The following XPO6 variants were observed in gnomAD, a reference collection of about 807,000 sequenced individuals.
The protein encoded by XPO6 is exportin-6.
XPO6 carries 3 observed loss-of-function variants against 130.0 expected under a neutral mutation model. The ratio of observed to expected loss-of-function variants is 0.02; its 90% CI spans 0.01 to 0.06. XPO6 has a LOEUF of 0.06. Ranked by LOEUF, XPO6 falls within the 10% of genes least tolerant of loss-of-function variation. The probability of loss-of-function intolerance (pLI) is 1.00; values close to 1 mark genes in which losing one functional copy is unlikely to be tolerated. For missense variants in XPO6, 970 were observed against 1,393.0 expected (o/e 0.70, Z 4.83); for synonymous variants, 524 against 548.9 (o/e 0.95, Z 0.63).
In XPO6 at chr16:28,112,056, G is replaced by C. The variant is rs200305383; in HGVS notation, c.2152-50C>G. ...ATCAGAGGTCAGAGCCAAAGACCGT[G>C]GTGCGGCATGCCCAACACAGCCTTC... is the stretch of plus-strand genomic sequence containing the variant. On this transcript the variant is annotated intron_variant, in intron 16 of 23. Coordinates refer to ENST00000304658, the MANE Select transcript of XPO6 (RefSeq NM_015171.4). 1.1e-3 allele frequency: 1,637 copies of C among 1,553,330 alleles called. 18 individuals are homozygous for C. Among genetic ancestry groups the C allele is most frequent in the Non-Finnish European group, 1.6e-4 (183 of 1,146,324 alleles).
At chr16:28,191,519 A>G (rs968995251) in intron 1 of XPO6, among the ~76,000 whole-genome samples, 22 of 152,230 alleles carry the variant, frequency 1.4e-4, no homozygotes, top group Admixed American at 1.1e-3. Context: ...ACACGATCAC[A>G]GAATCTTAAG....
chr16:28,105,755 G>C (rs1428178025), intron 20 of XPO6: 1 of 347,188 alleles, frequency 2.9e-6, no homozygotes, highest in African/African-American at 2.0e-5. Flanking sequence ...GTTTGCTATA[G>C]AAAACCAGAG....
chr16:28,119,831 G>A (rs1308143361), intron 14 of XPO6, among the ~76,000 whole-genome samples: 5 of 152,124 alleles, frequency 3.3e-5, no homozygotes, highest in Non-Finnish European at 7.4e-5. Context: ...ATTTACGGGT[G>A]AAGTGACATG....
chr16:28,131,857 G>C (rs1174892503), intron 12 of XPO6, among the ~76,000 whole-genome samples: 1 of 152,228 alleles, frequency 6.6e-6, no homozygotes. Flanking sequence ...GGCAGGGCCT[G>C]TAAACAGCAG....
intron 9 of XPO6, among the ~76,000 whole-genome samples, chr16:28,141,189 T>A (rs1177206996): frequency 6.6e-6 from 1 of 152,176 alleles, no homozygotes; most frequent in Non-Finnish European, 1.5e-5. Flanking sequence ...TTGTTTACAG[T>A]CCTATCTAAT....
At chr16:28,201,848 C>A (rs574815852) in intron 1 of XPO6, among the ~76,000 whole-genome samples, 1 of 152,230 alleles carries the variant, frequency 6.6e-6, no homozygotes, top group African/African-American at 2.4e-5. Context: ...AAGCGAGACT[C>A]CGTCTCAAAA....
rs1002856296 is a variant in XPO6 at position 28,169,807 on chromosome 16, C to T, written c.508G>A (p.Glu170Lys). 18 of 1,614,016 alleles carry T rather than the reference C, an allele frequency of 1.1e-5. No homozygotes were observed. Among genetic ancestry groups the T allele is most frequent in the African/African-American group, 1.3e-5 (1 of 74,930 alleles). ...PREDLSVARK[E>K]ELRKLLLDQV... ...TCCAGTAGCAGCTTCCGCAACTCCTCCTTCCGAGCCACACTGAGGTCCTCA... is the reference window on the plus strand; with the variant it reads ...TCCAGTAGCAGCTTCCGCAACTCCTTCTTCCGAGCCACACTGAGGTCCTCA... The change falls in exon 5 of 24, where the codon GAG (glutamate) becomes AAG (lysine). Residue 170 changes from glutamate (E) to lysine (K), a missense_variant. By Grantham distance (56) the Glu-to-Lys change is moderately conservative. Coordinates refer to ENST00000304658, the MANE Select transcript of XPO6 (RefSeq NM_015171.4).
At chr16:28,169,705 G>A in intron 5 of XPO6, 45 bp downstream of exon 5, 1 of 1,602,800 alleles carries the variant, frequency 6.2e-7, no homozygotes, top group Non-Finnish European at 8.5e-7. Context: ...AACTCTGGGT[G>A]CCTGCGGGCA....
chr16:28,130,431 G>A (rs1250005018), intron 12 of XPO6, among the ~76,000 whole-genome samples: 1 of 152,222 alleles, frequency 6.6e-6, no homozygotes, highest in African/African-American at 2.4e-5. Context: ...GGTGTGGCAT[G>A]GAGGTTATTT....
At chr16:28,179,627 G>A (rs1478068037) in intron 2 of XPO6, among the ~76,000 whole-genome samples, 1 of 152,158 alleles carries the variant, frequency 6.6e-6, no homozygotes. Flanking sequence ...TCAATTTCTA[G>A]AGCACTAGTG....
intron 3 of XPO6, among the ~76,000 whole-genome samples, chr16:28,176,499 A>AT (rs879328103): frequency 2.4e-3 from 346 of 143,644 alleles, no homozygotes; most frequent in Middle Eastern, 0.014. Flanking sequence ...TTACAATTAG[A>AT]TTTTTTTTTT....
At chr16:28,156,839 G>A (rs2043191721) in intron 6 of XPO6, among the ~76,000 whole-genome samples, 2 of 152,110 alleles carry the variant, frequency 1.3e-5, no homozygotes, top group South Asian at 4.1e-4. Flanking sequence ...AGACATAAGT[G>A]AAGAGAAGAT....
At chr16:28,121,636 C>T in intron 14 of XPO6, 34 bp downstream of exon 14, 1 of 1,510,762 alleles carries the variant, frequency 6.6e-7, no homozygotes, top group South Asian at 1.1e-5. Flanking sequence ...AAGGTCTTTC[C>T]TAAAAATGCA....
At chr16:28,116,113 T>A (rs772265939) in intron 15 of XPO6, among the ~76,000 whole-genome samples, 2 of 152,240 alleles carry the variant, frequency 1.3e-5, no homozygotes, top group Admixed American at 6.5e-5. Context: ...GCAGAAATTT[T>A]AATCTCCTCC....
intron 9 of XPO6, among the ~76,000 whole-genome samples, chr16:28,141,368 G>A (rs1016525512): frequency 1.3e-5 from 2 of 152,154 alleles, no homozygotes; most frequent in Non-Finnish European, 2.9e-5. Flanking sequence ...ACATTGACAA[G>A]CACAAAGAGC....
chr16:28,173,712 G>A (rs1404191197), intron 4 of XPO6, among the ~76,000 whole-genome samples: 2 of 152,190 alleles, frequency 1.3e-5, no homozygotes, highest in Non-Finnish European at 2.9e-5. Flanking sequence ...GAGGTTAAAG[G>A]AGTCAATACT....
In XPO6 at chr16:28,107,648, C is replaced by G. The variant is rs11557749; in HGVS notation, c.2371G>C (p.Val791Leu). 10 of 1,613,908 alleles carry G rather than the reference C, an allele frequency of 6.2e-6. No individual in the cohort carries two copies. In the African/African-American group the frequency reaches 1.2e-4, roughly 19 times the overall value. ...ATATTCTCCACAATATCTTCTAAGA[C>G]GCTGAGTGTCTGGTGGATAATCAGT... ...TKLIIHQTLS[V>L]LEDIVENISG... The change falls in exon 18 of 24, where the codon GTC (valine) becomes CTC (leucine). Residue 791 changes from valine to leucine, a missense_variant. Val to Leu is a conservative substitution (Grantham distance 32). Transcript: ENST00000304658.
At chr16:28,161,292 G>A (rs1271092412) in intron 6 of XPO6, among the ~76,000 whole-genome samples, 1 of 152,156 alleles carries the variant, frequency 6.6e-6, no homozygotes, top group Non-Finnish European at 1.5e-5. Context: ...CTCCCTAAAA[G>A]GGTTTGGGGG....
chr16:28,109,454 A>G (rs956355250), intron 17 of XPO6, among the ~76,000 whole-genome samples: 5 of 152,028 alleles, frequency 3.3e-5, no homozygotes, highest in Admixed American at 6.6e-5. Context: ...CACCTTCCCA[A>G]TGGACAGACT....
Sources: allele counts gnomAD v4.1 joint callset (sites outside exome capture counted in the v4.1 genomes callset), GRCh38; gene constraint gnomAD v4.1.1; transcripts MANE v1.5; gene names NCBI Gene and HGNC (gene_info 2026-07-23, HGNC 2026-07-21).